Variants in CPXM2 observed in about 807,000 individuals in gnomAD.
CPXM2 encodes carboxypeptidase X, M14 family member 2.
In CPXM2, 66 loss-of-function variants were observed where a neutral mutation model predicts 86.1. That is an observed-to-expected ratio of 0.77 (90% CI 0.63 to 0.94). The LOEUF (loss-of-function observed/expected upper bound fraction) is 0.94, where lower values mean the gene tolerates loss of function less well. Among genes scored for constraint, CPXM2 ranks in the 40% least tolerant of loss-of-function variants. The probability of loss-of-function intolerance (pLI) is 0.00; values close to 1 mark genes in which losing one functional copy is unlikely to be tolerated. For missense variants in CPXM2, 948 were observed against 1,026.3 expected (o/e 0.92, Z 1.04); for synonymous variants, 388 against 400.2 (o/e 0.97, Z 0.36).
chr10:123,892,152 A>G (rs1238802495), upstream of CPXM2, among the ~76,000 whole-genome samples: 1 of 152,168 alleles, frequency 6.6e-6, no homozygotes, highest in Non-Finnish European at 1.5e-5. Context: ...AAAGTAAATC[A>G]GAGCCCAAGC....
At chr10:123,925,847 T>C (rs1312627423) in intron 2 of CPXM2, among the ~76,000 whole-genome samples, 2 of 152,218 alleles carry the variant, frequency 1.3e-5, no homozygotes, top group South Asian at 2.1e-4. Flanking sequence ...AGCAAATTCA[T>C]GGAGCTTCCA....
At chr10:123,884,349 G>A (rs527573225) in intron 1 of CPXM2, among the ~76,000 whole-genome samples, 1 of 152,310 alleles carries the variant, frequency 6.6e-6, no homozygotes, top group South Asian at 2.1e-4. Context: ...CCTCACACAG[G>A]GAGAGCCGGG....
rs1005186969 is a variant in CPXM2, at chr10:123,798,088, G to A, written c.777C>T (p.Leu259=). The A allele has an allele frequency of 1.2e-6, 2 of 1,610,928 alleles. No homozygotes were observed. The highest frequency in any genetic ancestry group is 1.7e-6 in the Non-Finnish European group (2 of 1,178,426). Residue 259 remains leucine, a synonymous_variant, in exon 6 of 14, where the codon CTC becomes CTT. Coordinates refer to ENST00000241305, the MANE Select transcript of CPXM2 (RefSeq NM_198148.3). ...EGNSEKEIPV[L]NELPVPMVAR... is the part of the protein sequence containing the mutation. ...CCACCATGGGGACGGGTAGCTCATT[G>A]AGAACAGGGATCTCCTTCTCACTGT... is the stretch of plus-strand genomic sequence containing the variant.
At position 123,865,137 on chromosome 10, in the gene CPXM2, G is replaced by T. The variant is rs1590081069; in HGVS notation, c.404-2414C>A. 1.3e-5 allele frequency among the ~76,000 whole-genome samples: 2 copies of T among 152,210 alleles called. No individual in the cohort carries two copies. Among genetic ancestry groups the T allele is most frequent in the East Asian group, 3.8e-4 (2 of 5,196 alleles). On this transcript the variant is annotated intron_variant, in intron 2 of 13. Transcript: ENST00000241305. The surrounding 1 kb of genome is among the most constrained non-coding windows in gnomAD (Gnocchi z 4.7). ...CACAGATGATGACTTTGGTGGGGGA[G>T]CCCAGATAAACACACACGAACTTGG...
chr10:123,859,953 G>A (rs1048342473), intron 3 of CPXM2, among the ~76,000 whole-genome samples: 4 of 152,122 alleles, frequency 2.6e-5, no homozygotes, highest in African/African-American at 9.7e-5. Context: ...GTAGGTCAGT[G>A]AATAAACACC....
At chr10:123,874,521 A>G (rs931603869) in intron 2 of CPXM2, among the ~76,000 whole-genome samples, 1 of 152,250 alleles carries the variant, frequency 6.6e-6, no homozygotes, top group Non-Finnish European at 1.5e-5. Context: ...ATAAGCCAGG[A>G]AAGAAGTCTA....
intron 3 of CPXM2, among the ~76,000 whole-genome samples, chr10:123,848,686 C>T (rs1590063160): frequency 1.3e-5 from 2 of 152,144 alleles, no homozygotes; most frequent in African/African-American, 2.4e-5. Flanking sequence ...AATTCTTAAG[C>T]AATTATTAAT....
rs1451174112 is a variant in CPXM2, at chr10:123,865,425, G to A, written c.404-2702C>T. On this transcript the variant is annotated intron_variant, in intron 2 of 13. Coordinates refer to ENST00000241305, the MANE Select transcript of CPXM2 (RefSeq NM_198148.3). This position sits in a 1 kb window ranked among gnomAD's most constrained non-coding sequence, Gnocchi z 4.7. ...TACCACAGCCAACTTAGACAGGAAG[G>A]GAAATCCCTAGAGAAATGAGAGGGA... Among the ~76,000 whole-genome samples, 1 of 152,156 alleles carries A rather than the reference G, an allele frequency of 6.6e-6. No individual in the cohort carries two copies. Among genetic ancestry groups the A allele is most frequent in the Non-Finnish European group, 1.5e-5 (1 of 68,038 alleles).
Position 123,767,121 on chromosome 10 carries a change from C to A in CPXM2, c.1331G>T (p.Arg444Leu), listed in dbSNP as rs1268544607. 6.2e-7 allele frequency: 1 copy of A among 1,614,084 alleles called. No homozygotes were observed. Among genetic ancestry groups the A allele is most frequent in the Admixed American group, 1.7e-5 (1 of 60,022 alleles). Residue 444 changes from arginine (R) to leucine (L), a missense_variant, in exon 10 of 14, where the codon CGC (arginine) becomes CTC (leucine). Transcript: ENST00000241305. ...GATGTCAATTCCATCGTGGGTCCAGCGTCCCAGGGACCAGCCTCCCAGCTC... is the reference window on the plus strand; with the variant it reads ...GATGTCAATTCCATCGTGGGTCCAGAGTCCCAGGGACCAGCCTCCCAGCTC... Reference protein sequence around the residue: ...GSELGGWSLGRWTHDGIDINN... With the variant: ...GSELGGWSLGLWTHDGIDINN...
chr10:123,814,102 T>C (rs570485172), intron 4 of CPXM2, among the ~76,000 whole-genome samples: 5 of 152,170 alleles, frequency 3.3e-5, no homozygotes, highest in Non-Finnish European at 7.4e-5. Flanking sequence ...TCTTGACCAT[T>C]GGGTGCTATG....
At chr10:123,887,264 G>GT (rs35177737) in intron 1 of CPXM2, 103,117 of 151,874 alleles carry the variant, frequency 0.68, 36,376 homozygotes, top group African/African-American at 0.83. Flanking sequence ...GTCCACTTAG[G>GT]TCCTTAGAGT....
intron 4 of CPXM2, among the ~76,000 whole-genome samples, chr10:123,820,066 A>G (rs1847894063): frequency 6.6e-6 from 1 of 152,152 alleles, no homozygotes; most frequent in South Asian, 2.1e-4. Flanking sequence ...CTGCCCTCGA[A>G]CATCAGACTC....
At chr10:123,770,047 G>A (rs1846590485) in intron 8 of CPXM2, among the ~76,000 whole-genome samples, 1 of 152,216 alleles carries the variant, frequency 6.6e-6, no homozygotes, top group Non-Finnish European at 1.5e-5. Flanking sequence ...GCCAAGGCAG[G>A]TGGATCACCT....
At position 123,761,893 on chromosome 10, in the gene CPXM2, A is replaced by T; in HGVS notation, c.1756T>A (p.Ser586Thr). 1 of 1,613,646 alleles carries T rather than the reference A, an allele frequency of 6.2e-7. No individual in the cohort carries two copies. The highest frequency in any genetic ancestry group is 8.5e-7 in the Non-Finnish European group (1 of 1,179,856). ...QKEEGTVNGA[S>T]WHTVAGSLND... Reference sequence around the variant, plus strand: ...TTACTTCCAGCGACGGTGTGCCAGGAGGCCCCATTGACAGTGCCCTCCTCC... The same window carrying T: ...TTACTTCCAGCGACGGTGTGCCAGGTGGCCCCATTGACAGTGCCCTCCTCC... The change falls in exon 11 of 14, where the codon TCC becomes ACC. Residue 586 changes from serine (S) to threonine (T), a missense_variant. Physicochemically the swap from Ser to Thr is moderately conservative, Grantham distance 58 (BLOSUM62 1). Transcript: ENST00000241305.
At chr10:123,787,038 C>G (rs1295178834) in intron 6 of CPXM2, among the ~76,000 whole-genome samples, 6 of 152,160 alleles carry the variant, frequency 3.9e-5, no homozygotes, top group Non-Finnish European at 8.8e-5. Flanking sequence ...CACCCTCCAG[C>G]TGGCCCAAAA....
intron 3 of CPXM2, among the ~76,000 whole-genome samples, chr10:123,855,094 G>A (rs1285416835): frequency 6.6e-6 from 1 of 151,100 alleles, no homozygotes; most frequent in Non-Finnish European, 1.5e-5. Context: ...TTTCTCCAAG[G>A]GAGTCACAAT....
At chr10:123,751,968 C>T in intron 13 of CPXM2, 1 of 985,398 alleles carries the variant, frequency 1.0e-6, no homozygotes. Context: ...AGTATTCTAT[C>T]TTGGCTTATG....
At chr10:123,845,111 C>T (rs1015242254) in intron 3 of CPXM2, among the ~76,000 whole-genome samples, 1 of 151,392 alleles carries the variant, frequency 6.6e-6, no homozygotes, top group Non-Finnish European at 1.5e-5. Context: ...ATATCTCCAC[C>T]CCCACTCCAC....
chr10:123,856,146 T>A (rs753999190), intron 3 of CPXM2, among the ~76,000 whole-genome samples: 1 of 152,210 alleles, frequency 6.6e-6, no homozygotes, highest in Admixed American at 6.5e-5. Context: ...TCCCCATTTA[T>A]AAGGGATGTA....
Sources: gnomAD v4.1 joint callset for allele counts (sites outside exome capture counted in the v4.1 genomes callset) on GRCh38, gnomAD v4.1.1 for gene constraint, Gnocchi (gnomAD v3.1) non-coding constraint, MANE v1.5 for transcripts, NCBI Gene and HGNC (gene_info 2026-07-23, HGNC 2026-07-21) for gene names.